The following CNTNAP2 variants were observed in gnomAD, a reference collection of about 807,000 sequenced individuals.
CNTNAP2 encodes the protein contactin-associated protein-like 2.
A neutral mutation model predicts 155.2 loss-of-function variants in CNTNAP2; 98 were observed. That is an observed-to-expected ratio of 0.63 (90% CI 0.54 to 0.75). The LOEUF (loss-of-function observed/expected upper bound fraction) is 0.75. Among genes scored for constraint, CNTNAP2 ranks in the 30% least tolerant of loss-of-function variants. The pLI, the probability that CNTNAP2 is intolerant of heterozygous loss-of-function variation, is 0.00. For synonymous variants in CNTNAP2, 651 were observed against 631.2 expected (o/e 1.03, Z -0.47); for missense variants, 1,727 against 1,688.1 (o/e 1.02, Z -0.40).
chr7:148,267,904 T>C (rs973689743), intron 21 of CNTNAP2, among the ~76,000 whole-genome samples: 9 of 152,140 alleles, frequency 5.9e-5, no homozygotes, highest in Admixed American at 5.9e-4. Context: ...TATCTTCCTC[T>C]CACTCGTAAG....
At chr7:147,121,995 G>C (rs369260088) in intron 6 of CNTNAP2, 1 of 152,048 alleles carries the variant, frequency 6.6e-6, no homozygotes. Flanking sequence ...GACAAACATG[G>C]TGAAACTCCG....
intron 8 of CNTNAP2, among the ~76,000 whole-genome samples, chr7:147,209,277 T>C (rs1044249159): frequency 6.6e-6 from 1 of 152,070 alleles, no homozygotes; most frequent in African/African-American, 2.4e-5. Flanking sequence ...CTGTCAGCAG[T>C]GTTTTGTCCT....
chr7:146,940,246 G>C lies in CNTNAP2; in HGVS notation c.402+100342G>C, dbSNP rs1002615326. Among the ~76,000 whole-genome samples the C allele has an allele frequency of 2.7e-5, 4 of 150,696 alleles. No individual in the cohort carries two copies. In the East Asian group the frequency reaches 7.8e-4, roughly 29 times the overall value. On this transcript the variant is annotated intron_variant, in intron 3 of 23. Transcript: ENST00000361727. ...TTTTGAGATGGAGTCTTGCTCTGTC[G>C]CCAGGCTGGAGTGCAGTGGCACGAT...
At chr7:147,274,226 C>T (rs1314001210) in intron 8 of CNTNAP2, among the ~76,000 whole-genome samples, 1 of 152,002 alleles carries the variant, frequency 6.6e-6, no homozygotes, top group Non-Finnish European at 1.5e-5. Flanking sequence ...TGAGAGGTCT[C>T]CGTATTGTTT....
intron 14 of CNTNAP2, among the ~76,000 whole-genome samples, chr7:147,945,942 A>T (rs1229913374): frequency 7.2e-6 from 1 of 138,396 alleles, no homozygotes; most frequent in African/African-American, 2.7e-5. Context: ...ATCTCGGCTC[A>T]TGGCAACCTC....
chr7:147,287,701 A>G (rs564970092), intron 8 of CNTNAP2, among the ~76,000 whole-genome samples: 1 of 152,002 alleles, frequency 6.6e-6, no homozygotes, highest in South Asian at 2.1e-4. Flanking sequence ...TGATATCTCT[A>G]CTTGGTGATC....
At chr7:147,292,937 T>A (rs1805346118) in intron 8 of CNTNAP2, among the ~76,000 whole-genome samples, 1 of 152,182 alleles carries the variant, frequency 6.6e-6, no homozygotes, top group Middle Eastern at 3.4e-3. Context: ...GCTGGCTAAT[T>A]TTGTATTTTT....
intron 1 of CNTNAP2, among the ~76,000 whole-genome samples, chr7:146,536,537 A>T (rs1159163477): frequency 6.6e-6 from 1 of 151,938 alleles, no homozygotes; most frequent in African/African-American, 2.4e-5. Context: ...GTAAGGAGGG[A>T]TGAGAAAAGC....
At chr7:146,547,411 C>T (rs1208833073) in intron 1 of CNTNAP2, among the ~76,000 whole-genome samples, 1 of 151,874 alleles carries the variant, frequency 6.6e-6, no homozygotes, top group Non-Finnish European at 1.5e-5. Flanking sequence ...TGCAGTAGTG[C>T]TGACTACAGG....
At chr7:146,736,705 C>T (rs959022071) in intron 1 of CNTNAP2, among the ~76,000 whole-genome samples, 1 of 152,070 alleles carries the variant, frequency 6.6e-6, no homozygotes, top group Non-Finnish European at 1.5e-5. Context: ...TGCGGGTCTA[C>T]GGATGATGCA....
intron 13 of CNTNAP2, among the ~76,000 whole-genome samples, chr7:147,866,611 G>T (rs117732539): frequency 0.033 from 4,963 of 152,174 alleles, 137 homozygotes; most frequent in Non-Finnish European, 0.052. Flanking sequence ...TCCTGTTTTG[G>T]TTGGGTGCGT....
chr7:147,831,435 GA>G (rs1402054907), intron 13 of CNTNAP2, among the ~76,000 whole-genome samples: 3 of 152,100 alleles, frequency 2.0e-5, no homozygotes, highest in Admixed American at 6.6e-5. Context: ...TAATATTTCT[GA>G]AATTTGGATG....
chr7:147,251,945 A>G (rs1055821196), intron 8 of CNTNAP2, among the ~76,000 whole-genome samples: 1 of 152,188 alleles, frequency 6.6e-6, no homozygotes, highest in Non-Finnish European at 1.5e-5. Context: ...TTCAATGGAT[A>G]TATGAGTTTG....
At position 148,330,865 on chromosome 7, in the gene CNTNAP2, C is replaced by A. The variant is rs370296213; in HGVS notation, c.3476-52784C>A. ...AGAATGGATGGATGGAATGGATGGA[C>A]GGATGGAGTGGCTGGATGGAATGGA... On this transcript the variant is annotated intron_variant, in intron 21 of 23. Coordinates refer to ENST00000361727, the MANE Select transcript of CNTNAP2 (RefSeq NM_014141.6). Among the ~76,000 whole-genome samples the A allele has an allele frequency of 5.8e-5, 6 of 103,920 alleles. No homozygotes were observed. In the South Asian group the frequency reaches 2.0e-3, roughly 34 times the overall value. The allele number at this position is 103,920 out of a possible 152,430, so 68.2% of individuals were successfully genotyped here.
chr7:146,796,298 T>A (rs1396626824), intron 2 of CNTNAP2, among the ~76,000 whole-genome samples: 1 of 152,052 alleles, frequency 6.6e-6, no homozygotes, highest in African/African-American at 2.4e-5. Flanking sequence ...ACTTTAATGA[T>A]TATAGGGCAG....
chr7:146,548,796 AG>A lies in CNTNAP2; in HGVS notation c.98-225473del, dbSNP rs200324362. Among the ~76,000 whole-genome samples the A allele has an allele frequency of 3.1e-3, 245 of 79,052 alleles. 1 individual carries two copies. The highest frequency in any genetic ancestry group is 0.011 in the African/African-American group (239 of 21,630). The allele number at this position is 79,052 out of a possible 152,430, so 51.9% of individuals were successfully genotyped here. A position where few individuals can be genotyped will look rare whatever the true frequency, so the allele number is the denominator to read the frequency against. On this transcript the variant is annotated intron_variant, in intron 1 of 23. Transcript: ENST00000361727. The stretch of plus-strand genomic sequence containing the variant: ...ATTTGGAAATATTTTCCCATTCTCT[AG>A]GTTTTTTTTTTTTTTTTCGTTTTGT...
At chr7:146,243,241 T>C (rs2116930468) in intron 1 of CNTNAP2, among the ~76,000 whole-genome samples, 1 of 152,258 alleles carries the variant, frequency 6.6e-6, no homozygotes, top group East Asian at 1.9e-4. Context: ...AATTATTGTC[T>C]CATCTTAATA....
chr7:146,912,051 C>T (rs533794992), intron 3 of CNTNAP2, among the ~76,000 whole-genome samples: 137 of 151,232 alleles, frequency 9.1e-4, no homozygotes, highest in South Asian at 8.2e-3. Flanking sequence ...CCTTTCATTA[C>T]GAAATGTTAT....
intron 9 of CNTNAP2, among the ~76,000 whole-genome samples, chr7:147,367,674 C>T (rs748761001): frequency 2.0e-5 from 3 of 152,162 alleles, no homozygotes; most frequent in Non-Finnish European, 2.9e-5. Context: ...GGCCACTCAT[C>T]ACCTAAATGA....
Sources: gnomAD v4.1 joint callset for allele counts (sites outside exome capture counted in the v4.1 genomes callset) on GRCh38, gnomAD v4.1.1 for gene constraint, MANE v1.5 for transcripts, NCBI Gene and HGNC (gene_info 2026-07-23, HGNC 2026-07-21) for gene names.